LRRC74A: variants seen among roughly 807,000 people sequenced by gnomAD.
The protein encoded by LRRC74A is leucine-rich repeat-containing protein 74A.
LRRC74A carries 44 observed loss-of-function variants against 57.9 expected under a neutral mutation model. The observed-to-expected ratio is 0.76, with a 90% CI of 0.60 to 0.98. LRRC74A has a LOEUF of 0.98. Ranked by LOEUF, LRRC74A falls within the 50% of genes least tolerant of loss-of-function variation. LRRC74A has a pLI of 0.00. For synonymous variants in LRRC74A, 211 were observed against 219.4 expected (o/e 0.96, Z 0.34); for missense variants, 572 against 574.0 (o/e 1.00, Z 0.04).
At chr14:76,827,125 G>A (rs1182055089) in intron 1 of LRRC74A, among the ~76,000 whole-genome samples, 1 of 152,068 alleles carries the variant, frequency 6.6e-6, no homozygotes, top group African/African-American at 2.4e-5. Flanking sequence ...TCTACTGGTT[G>A]AATGGAATTC....
At chr14:76,853,728 A>T (rs1897686907) in intron 9 of LRRC74A, among the ~76,000 whole-genome samples, 1 of 151,604 alleles carries the variant, frequency 6.6e-6, no homozygotes, top group Non-Finnish European at 1.5e-5. Flanking sequence ...TCTTCTCCAC[A>T]TTGCCACCGG....
At chr14:76,843,345 T>C (rs1311681916) in intron 5 of LRRC74A, among the ~76,000 whole-genome samples, 1 of 151,744 alleles carries the variant, frequency 6.6e-6, no homozygotes, top group Non-Finnish European at 1.5e-5. Flanking sequence ...TAGATGATTT[T>C]ACACTAATTT....
intron 7 of LRRC74A, among the ~76,000 whole-genome samples, chr14:76,849,644 A>C (rs1434806338): frequency 7.4e-6 from 1 of 135,836 alleles, no homozygotes; most frequent in East Asian, 2.5e-4. Context: ...TCTACTAAAA[A>C]TACAAAAAAT....
At chr14:76,864,636 T>C (rs186567595) in intron 11 of LRRC74A, among the ~76,000 whole-genome samples, 7 of 152,188 alleles carry the variant, frequency 4.6e-5, no homozygotes, top group Non-Finnish European at 1.0e-4. Flanking sequence ...GAAGGATCAC[T>C]TGAGGTCAGA....
intron 11 of LRRC74A, among the ~76,000 whole-genome samples, chr14:76,862,675 AG>A (rs901877809): frequency 6.6e-6 from 1 of 152,200 alleles, no homozygotes; most frequent in African/African-American, 2.4e-5. Flanking sequence ...GGAGTGGGTA[AG>A]GGCCTTGAAG....
chr14:76,836,394 C>G lies in LRRC74A; in HGVS notation c.447+80C>G. The G allele has an allele frequency of 5.6e-6, 6 of 1,063,394 alleles. No homozygotes were observed. The South Asian group carries it at 9.4e-5, about 17-fold the overall frequency. The allele number at this position is 1,063,394 out of a possible 1,614,324, so 65.9% of individuals were successfully genotyped here. A position where few individuals can be genotyped will look rare whatever the true frequency, so the allele number is the denominator to read the frequency against. On this transcript the variant is annotated intron_variant, in intron 4 of 13. Coordinates refer to ENST00000689127, the MANE Select transcript of LRRC74A (RefSeq NM_001385106.1). ...ACTGGAGACAAGCCAGAGGCCCTGCCAGGACCCAGGCTGCCTCCAGGCTCC... is the reference window on the plus strand; with the variant it reads ...ACTGGAGACAAGCCAGAGGCCCTGCGAGGACCCAGGCTGCCTCCAGGCTCC...
intron 13 of LRRC74A, among the ~76,000 whole-genome samples, chr14:76,869,650 T>C (rs1269867212): frequency 1.3e-5 from 2 of 151,260 alleles, no homozygotes; most frequent in Non-Finnish European, 2.9e-5. Flanking sequence ...TAATCCCAGC[T>C]ACTTGGGAGG....
chr14:76,848,261 C>T (rs1012219624), intron 7 of LRRC74A, among the ~76,000 whole-genome samples: 4 of 151,448 alleles, frequency 2.6e-5, no homozygotes, highest in African/African-American at 9.7e-5. Flanking sequence ...CACATGTAAC[C>T]TAAAACTTAA....
At chr14:76,829,231 G>A (rs1895804536) in intron 2 of LRRC74A, 4 of 1,273,778 alleles carry the variant, frequency 3.1e-6, no homozygotes, top group Non-Finnish European at 4.1e-6. Context: ...CTTGCAGCTG[G>A]CTGGTGGGCA....
chr14:76,836,578 T>A (rs1435506415), intron 4 of LRRC74A, among the ~76,000 whole-genome samples: 2 of 152,098 alleles, frequency 1.3e-5, no homozygotes, highest in Admixed American at 6.5e-5. Context: ...GGTGGGAGGA[T>A]CGCCTGAGGT....
chr14:76,836,258 G>A lies in LRRC74A; in HGVS notation c.391G>A (p.Glu131Lys), dbSNP rs1896325861. ...GCTGGAAGACAATTGCATCATGGAGGAGGGCGTCTTGAGCCTGGTGGAGAT... is the reference window on the plus strand; with the variant it reads ...GCTGGAAGACAATTGCATCATGGAGAAGGGCGTCTTGAGCCTGGTGGAGAT... Reference protein sequence around the residue: ...LELEDNCIMEEGVLSLVEMLQ... With the variant: ...LELEDNCIMEKGVLSLVEMLQ... The change falls in exon 4 of 14, where the codon GAG becomes AAG. Residue 131 changes from glutamate to lysine, a missense_variant. Coordinates refer to ENST00000689127, the MANE Select transcript of LRRC74A (RefSeq NM_001385106.1). 1 of 1,613,828 alleles carries A rather than the reference G, an allele frequency of 6.2e-7. No individual in the cohort carries two copies. The highest frequency in any genetic ancestry group is 1.3e-5 in the African/African-American group (1 of 74,918).
At chr14:76,856,990 G>GATGC (rs1191525355) in intron 9 of LRRC74A, among the ~76,000 whole-genome samples, 1 of 151,610 alleles carries the variant, frequency 6.6e-6, no homozygotes, top group Non-Finnish European at 1.5e-5. Flanking sequence ...TGGATGGATG[G>GATGC]ATGGATGGAT....
chr14:76,866,840 C>T (rs887268317), intron 12 of LRRC74A, among the ~76,000 whole-genome samples: 6 of 150,822 alleles, frequency 4.0e-5, no homozygotes, highest in Non-Finnish European at 8.9e-5. Flanking sequence ...CCAGCCCCTC[C>T]ATGCTGTGGA....
intron 3 of LRRC74A, among the ~76,000 whole-genome samples, chr14:76,834,902 C>T (rs1896213481): frequency 6.6e-6 from 1 of 152,216 alleles, no homozygotes; most frequent in South Asian, 2.1e-4. Flanking sequence ...GACCAGAAGA[C>T]ATTTCAGGAA....
At chr14:76,845,147 C>T (rs561006691) in intron 7 of LRRC74A, among the ~76,000 whole-genome samples, 3 of 152,182 alleles carry the variant, frequency 2.0e-5, no homozygotes, top group African/African-American at 7.2e-5. Flanking sequence ...AACACAGGGA[C>T]ACCCTGTCTC....
At position 76,828,416 on chromosome 14, in the gene LRRC74A, G is replaced by A. The variant is rs1038480397; in HGVS notation, c.163G>A (p.Glu55Lys). 4 of 1,613,998 alleles carry A rather than the reference G, an allele frequency of 2.5e-6. No individual in the cohort carries two copies. The African/African-American group carries it at 5.3e-5, about 22-fold the overall frequency. The change falls in exon 2 of 14, where the codon GAA becomes AAA. Residue 55 changes from glutamate to lysine, a missense_variant. Coordinates refer to ENST00000689127, the MANE Select transcript of LRRC74A (RefSeq NM_001385106.1). ...RENSETDLEI[E>K]DDEKFFTTGQ... ...GAATTCGGAAACAGACCTGGAGATTGAAGGCGAGCATGGGCATTTGGGGGC... is the reference window on the plus strand; with the variant it reads ...GAATTCGGAAACAGACCTGGAGATTAAAGGCGAGCATGGGCATTTGGGGGC...
At position 76,831,224 on chromosome 14, in the gene LRRC74A, C is replaced by G; in HGVS notation, c.188C>G (p.Thr63Ser). 6.2e-7 allele frequency: 1 copy of G among 1,613,988 alleles called. No individual in the cohort carries two copies. The highest frequency in any genetic ancestry group is 8.5e-7 in the Non-Finnish European group (1 of 1,179,876). ...EIEDDEKFFT[T>S]GQKELYLEAC... The stretch of plus-strand genomic sequence containing the variant: ...GCAGATGATGAGAAATTTTTCACCA[C>G]TGGACAAAAGGAGCTGTACCTGGAG... Residue 63 changes from threonine to serine, a missense_variant, in exon 3 of 14, where the codon ACT (threonine) becomes AGT (serine). Coordinates refer to ENST00000689127, the MANE Select transcript of LRRC74A (RefSeq NM_001385106.1).
chr14:76,853,455 G>GTGTGTA, intron 9 of LRRC74A, 45 bp downstream of exon 9: 4 of 1,440,266 alleles, frequency 2.8e-6, no homozygotes, highest in Non-Finnish European at 3.8e-6. Flanking sequence ...GTGTGTGTGT[G>GTGTGTA]TGTGTGTTTG....
At chr14:76,870,098 G>C (rs12878567) in intron 13 of LRRC74A, 27 bp from the exon 14 acceptor site, 1 of 1,607,694 alleles carries the variant, frequency 6.2e-7, no homozygotes, top group Non-Finnish European at 8.5e-7. Flanking sequence ...CGGGTGCTCA[G>C]CATCTTTCCC....
Sources: allele counts gnomAD v4.1 joint callset (sites outside exome capture counted in the v4.1 genomes callset), GRCh38; gene constraint gnomAD v4.1.1; transcripts MANE v1.5; gene names NCBI Gene and HGNC (gene_info 2026-07-23, HGNC 2026-07-21).